ERBB4: variants seen among roughly 807,000 people sequenced by gnomAD.
ERBB4 encodes receptor tyrosine-protein kinase erbB-4.
Under a neutral mutation model 158.0 loss-of-function variants are expected in ERBB4, and 42 were observed. The ratio of observed to expected loss-of-function variants is 0.27; its 90% CI spans 0.21 to 0.34. The LOEUF (loss-of-function observed/expected upper bound fraction) is 0.34, where lower values mean the gene tolerates loss of function less well. ERBB4 is among the 10% of genes least tolerant of loss of function. The probability of loss-of-function intolerance (pLI) is 1.00; values close to 1 mark genes in which losing one functional copy is unlikely to be tolerated. For missense variants in ERBB4, 1,333 were observed against 1,624.1 expected (o/e 0.82, Z 3.08); for synonymous variants, 583 against 558.7 (o/e 1.04, Z -0.61).
chr2:212,110,279 T>C (rs1419738759), intron 2 of ERBB4, among the ~76,000 whole-genome samples: 1 of 152,220 alleles, frequency 6.6e-6, no homozygotes, highest in Admixed American at 6.5e-5. Context: ...ATTCCTGTGC[T>C]TGTGGCTTCC....
At chr2:211,580,877 A>AG (rs71054116) in intron 19 of ERBB4, among the ~76,000 whole-genome samples, 3,328 of 8,368 alleles carry the variant, frequency 0.4, 691 homozygotes, top group Non-Finnish European at 0.44. Flanking sequence ...ATATATATAT[A>AG]TATATATATA....
At chr2:211,431,144 G>T (rs753991387) in intron 20 of ERBB4, 44 bp from the exon 21 acceptor site, 1 of 1,587,830 alleles carries the variant, frequency 6.3e-7, no homozygotes, top group South Asian at 1.1e-5. Context: ...TTAATGCCCA[G>T]GTTTTCCCAT....
chr2:211,678,262 A>G (rs548528071), intron 13 of ERBB4, among the ~76,000 whole-genome samples: 1 of 151,590 alleles, frequency 6.6e-6, no homozygotes, highest in South Asian at 2.1e-4. Context: ...ATTCCTATAT[A>G]CAAATAGACA....
At chr2:212,247,743 C>G (rs1017185319) in intron 1 of ERBB4, among the ~76,000 whole-genome samples, 1 of 152,116 alleles carries the variant, frequency 6.6e-6, no homozygotes, top group Non-Finnish European at 1.5e-5. Flanking sequence ...GCAGACAGAT[C>G]GCTTGAGGTC....
intron 4 of ERBB4, among the ~76,000 whole-genome samples, chr2:211,770,099 A>G (rs1367264648): frequency 1.3e-5 from 2 of 152,226 alleles, no homozygotes; most frequent in Admixed American, 1.3e-4. Flanking sequence ...TTCCAGGCTT[A>G]GAAATTTTTG....
At chr2:211,707,329 T>C (rs2073485602) in intron 9 of ERBB4, among the ~76,000 whole-genome samples, 1 of 152,154 alleles carries the variant, frequency 6.6e-6, no homozygotes, top group African/African-American at 2.4e-5. Context: ...TTGCATCCTA[T>C]AGCCACTCGA....
intron 1 of ERBB4, among the ~76,000 whole-genome samples, chr2:212,177,876 G>C (rs1372276245): frequency 6.6e-6 from 1 of 151,856 alleles, no homozygotes; most frequent in Non-Finnish European, 1.5e-5. Context: ...GGGGGTCATG[G>C]AGGATAAAGC....
At chr2:212,294,908 C>T (rs1458099913) in intron 1 of ERBB4, among the ~76,000 whole-genome samples, 2 of 152,054 alleles carry the variant, frequency 1.3e-5, no homozygotes, top group Non-Finnish European at 2.9e-5. Context: ...CATTCAGGTT[C>T]ACTTCCATAT....
intron 20 of ERBB4, among the ~76,000 whole-genome samples, chr2:211,443,783 C>CAAT (rs1253782956): frequency 1.3e-5 from 2 of 151,762 alleles, no homozygotes; most frequent in South Asian, 2.1e-4. Flanking sequence ...TATAAAATGG[C>CAAT]AATAATAATA....
chr2:211,623,844 G>A (rs1336833082), intron 18 of ERBB4, 78 bp downstream of exon 18: 4 of 1,415,808 alleles, frequency 2.8e-6, no homozygotes, highest in South Asian at 1.2e-5. Context: ...GTTGTCTAAA[G>A]TAATAACTCC....
chr2:212,284,847 T>G (rs1270178622), intron 1 of ERBB4, among the ~76,000 whole-genome samples: 1 of 152,128 alleles, frequency 6.6e-6, no homozygotes, highest in East Asian at 1.9e-4. Context: ...CAGAATCTTC[T>G]CGGAAAAGCT....
In ERBB4 at chr2:211,378,259, T is replaced by C. The variant is rs2062513511; in HGVS notation, c.*5356A>G. The C allele has an allele frequency of 8.6e-6, 2 of 232,788 alleles. No individual in the cohort carries two copies. The highest frequency in any genetic ancestry group is 3.6e-4 in the South Asian group (2 of 5,526). 14.4% of individuals were successfully genotyped at this position (232,788 alleles called of 1,614,324 possible). A position where few individuals can be genotyped will look rare whatever the true frequency, so the allele number is the denominator to read the frequency against. On this transcript the variant is annotated 3_prime_UTR_variant, in exon 28 of 28. Coordinates refer to ENST00000342788, the MANE Select transcript of ERBB4 (RefSeq NM_005235.3). ...CAAAGAGTATTTTCCAGAGGAAGCA[T>C]GTGAATACCCCCCGTGAAATTGGGG...
intron 19 of ERBB4, among the ~76,000 whole-genome samples, chr2:211,567,154 A>G (rs1285290871): frequency 6.6e-6 from 1 of 152,194 alleles, no homozygotes; most frequent in African/African-American, 2.4e-5. Flanking sequence ...CCAAAACTCA[A>G]TGAGATTACC....
At chr2:212,026,063 T>G (rs1185565990) in intron 2 of ERBB4, among the ~76,000 whole-genome samples, 1 of 151,490 alleles carries the variant, frequency 6.6e-6, no homozygotes, top group Admixed American at 6.6e-5. Context: ...ACTATATATC[T>G]CTATGCAGAT....
intron 1 of ERBB4, among the ~76,000 whole-genome samples, chr2:212,458,098 A>G (rs1688390000): frequency 1.3e-5 from 2 of 152,224 alleles, no homozygotes; most frequent in East Asian, 3.9e-4. Context: ...AATTCATGTC[A>G]ACAAATATTA....
intron 4 of ERBB4, among the ~76,000 whole-genome samples, chr2:211,762,441 T>C (rs1391837976): frequency 6.6e-6 from 1 of 152,140 alleles, no homozygotes; most frequent in African/African-American, 2.4e-5. Context: ...CGGGCTCTTG[T>C]AGAGTTCAGG....
intron 4 of ERBB4, among the ~76,000 whole-genome samples, chr2:211,775,711 T>C (rs2075855648): frequency 6.6e-6 from 1 of 152,194 alleles, no homozygotes; most frequent in Non-Finnish European, 1.5e-5. Context: ...TGATAGGCTG[T>C]GTGTACGTGC....
chr2:212,384,544 A>G (rs1369519075), intron 1 of ERBB4, among the ~76,000 whole-genome samples: 3 of 151,696 alleles, frequency 2.0e-5, no homozygotes, highest in Non-Finnish European at 4.4e-5. Context: ...ACTTATGAAA[A>G]GGTCATGTCT....
intron 12 of ERBB4, among the ~76,000 whole-genome samples, chr2:211,699,945 C>A (rs1021628723): frequency 4.2e-4 from 64 of 152,080 alleles, no homozygotes; most frequent in African/African-American, 1.5e-3. Flanking sequence ...TTCCCATTTG[C>A]TTTTTAATTC....
Sources: allele counts gnomAD v4.1 joint callset (sites outside exome capture counted in the v4.1 genomes callset), GRCh38; gene constraint gnomAD v4.1.1; transcripts MANE v1.5; gene names NCBI Gene and HGNC (gene_info 2026-07-23, HGNC 2026-07-21).